NEU3: variants seen among roughly 807,000 people sequenced by gnomAD.
NEU3 encodes neuraminidase 3, also known as sialidase-3.
In NEU3, 10 loss-of-function variants were observed where a neutral mutation model predicts 11.4. The observed-to-expected ratio is 0.88, with a 90% CI of 0.54 to 1.49. NEU3 has a LOEUF of 1.49. Ranked by LOEUF, NEU3 falls within the 40% of genes most tolerant of loss-of-function variation. NEU3 has a pLI of 0.00. For missense variants in NEU3, 529 were observed against 581.8 expected, an observed-to-expected ratio of 0.91 and a Z score of 0.93; for synonymous variants, 212 against 228.2, an observed-to-expected ratio of 0.93 and a Z score of 0.64.
At chr11:75,016,152 G>A (rs925264085) in intron 3 of NEU3, among the ~76,000 whole-genome samples, 12 of 152,314 alleles carry the variant, frequency 7.9e-5, no homozygotes, top group Non-Finnish European at 1.8e-4. Context: ...AACTCCATGG[G>A]TTTATGGGTC....
At chr11:74,982,778 CT>C in the NEU3 span, among the ~76,000 whole-genome samples, 1 of 152,124 alleles carries the variant, frequency 6.6e-6, no homozygotes, top group South Asian at 2.1e-4. Context: ...CCTGGGGGTG[CT>C]TGTCAGAGCC....
At chr11:74,992,210 C>T (rs1340695469) in intron 1 of NEU3, among the ~76,000 whole-genome samples, 1 of 152,216 alleles carries the variant, frequency 6.6e-6, no homozygotes, top group Non-Finnish European at 1.5e-5. Flanking sequence ...AAATCCTTCT[C>T]TGGTGCCTTG....
rs1399660639 is a variant in NEU3 at position 75,006,331 on chromosome 11, C to G, written c.1225C>G (p.Leu409Val). The G allele has an allele frequency of 6.2e-7, 1 of 1,613,968 alleles. No individual in the cohort carries two copies. Among genetic ancestry groups the G allele is most frequent in the Non-Finnish European group, 8.5e-7 (1 of 1,179,894 alleles). ...CTGTGGCTACTCTGATCTGGCTGCT[C>G]TGGAGGAGGAGGGCTTGTTTGGGTG... The part of the protein sequence containing the change: ...GPCGYSDLAA[L>V]EEEGLFGCLF... The change falls in exon 3 of 3, where the codon CTG becomes GTG. Residue 409 changes from leucine (L) to valine (V), a missense_variant. Transcript: ENST00000294064.
At chr11:75,017,847 A>G (rs1328625476) in intron 3 of NEU3, among the ~76,000 whole-genome samples, 1 of 152,186 alleles carries the variant, frequency 6.6e-6, no homozygotes, top group African/African-American at 2.4e-5. Flanking sequence ...GGTAGGAATT[A>G]GTAAAATCTA....
chr11:75,008,934 G>A lies in NEU3; in HGVS notation c.*2442G>A, dbSNP rs983226390. 3.3e-5 allele frequency: 5 copies of A among 152,084 alleles called. No individual in the cohort carries two copies. Among genetic ancestry groups the A allele is most frequent in the African/African-American group, 1.2e-4 (5 of 41,390 alleles). 9.4% of individuals were successfully genotyped at this position (152,084 alleles called of 1,614,324 possible). On this transcript the variant is annotated 3_prime_UTR_variant, in exon 3 of 3. Transcript: ENST00000294064. ...GTCTGTGCCACTGTGACGCAGAGAT[G>A]TATAATACCAGTACTCATAAGAGGT...
downstream of NEU3, among the ~76,000 whole-genome samples, chr11:75,020,029 G>A (rs1185498336): frequency 6.6e-6 from 1 of 152,202 alleles, no homozygotes; most frequent in African/African-American, 2.4e-5. Flanking sequence ...TCTTGCATCA[G>A]TATGACCTGG....
the NEU3 span, among the ~76,000 whole-genome samples, chr11:74,982,546 CCTCT>C: frequency 4.9e-3 from 746 of 152,146 alleles, 6 homozygotes; most frequent in African/African-American, 0.017. Flanking sequence ...ACTTCTGATC[CCTCT>C]CTCTCTACAG....
intron 2 of NEU3, among the ~76,000 whole-genome samples, chr11:74,997,580 T>C (rs755119554): frequency 1.3e-4 from 19 of 151,444 alleles, no homozygotes; most frequent in Non-Finnish European, 2.4e-4. Flanking sequence ...GTGTGGTGGC[T>C]CACGCCTGTA....
In NEU3 at chr11:75,006,546, C is replaced by A; in HGVS notation, c.*54C>A. On this transcript the variant is annotated 3_prime_UTR_variant, in exon 3 of 3. Transcript: ENST00000294064. ...CAAATGGCAGTTACAGACAGGTTAACAGAAGCTACTGAAGTCTACAGATAA... is the reference window on the plus strand; with the variant it reads ...CAAATGGCAGTTACAGACAGGTTAAAAGAAGCTACTGAAGTCTACAGATAA... 1.3e-6 allele frequency: 2 copies of A among 1,537,908 alleles called. No individual in the cohort carries two copies. The highest frequency in any genetic ancestry group is 1.7e-6 in the Non-Finnish European group (2 of 1,142,914).
intron 2 of NEU3, 195 bp downstream of exon 2, chr11:74,994,915 TTC>T: frequency 1.4e-6 from 1 of 698,398 alleles, no homozygotes; most frequent in South Asian, 1.5e-5. Flanking sequence ...CTCACAGCCA[TTC>T]TGTGTCGTAG....
rs185434675 is a variant in NEU3, at chr11:75,007,942, G to C, written c.*1450G>C. On this transcript the variant is annotated 3_prime_UTR_variant, in exon 3 of 3. Transcript: ENST00000294064. ...CATGAAATATAGCCTAGGAGACTAG[G>C]GGTTACAGTTGCACTAGTTGGGTAG... is the stretch of plus-strand genomic sequence containing the variant. The C allele has an allele frequency of 1.3e-5, 2 of 151,902 alleles. No individual in the cohort carries two copies. Among genetic ancestry groups the C allele is most frequent in the African/African-American group, 4.8e-5 (2 of 41,328 alleles). The allele number at this position is 151,902 out of a possible 1,614,324, so 9.4% of individuals were successfully genotyped here. A position where few individuals can be genotyped will look rare whatever the true frequency, so the allele number is the denominator to read the frequency against.
chr11:74,995,254 TCTA>T (rs1948778058), intron 2 of NEU3, among the ~76,000 whole-genome samples: 1 of 152,210 alleles, frequency 6.6e-6, no homozygotes, highest in African/African-American at 2.4e-5. Flanking sequence ...TAACCACGCT[TCTA>T]CTACTAAATG....
intron 1 of NEU3, among the ~76,000 whole-genome samples, chr11:74,993,873 CCCATTCAT>C (rs1047608682): frequency 5.9e-5 from 9 of 152,048 alleles, no homozygotes; most frequent in East Asian, 5.8e-4. Flanking sequence ...CCCATGATAA[CCCATTCAT>C]CCATTCATCC....
chr11:75,020,182 T>C (rs542326693), downstream of NEU3, among the ~76,000 whole-genome samples: 31 of 152,302 alleles, frequency 2.0e-4, no homozygotes, highest in African/African-American at 7.5e-4. Flanking sequence ...CCACTGTATC[T>C]AGGAAGTAAC....
chr11:74,988,283 C>G (rs1948690548), upstream of NEU3: 2 of 152,296 alleles, frequency 1.3e-5, no homozygotes, highest in Admixed American at 1.3e-4. Flanking sequence ...CATCCTCCCA[C>G]GTAGGCCTTC....
At chr11:74,984,530 A>G (rs1948655129), upstream of NEU3, among the ~76,000 whole-genome samples, 1 of 152,140 alleles carries the variant, frequency 6.6e-6, no homozygotes, top group Admixed American at 6.5e-5. Flanking sequence ...GGTAAGATAA[A>G]AATCTCAGAC....
At chr11:75,004,409 AGTTTC>A in intron 2 of NEU3, 1 of 486,294 alleles carries the variant, frequency 2.1e-6, no homozygotes. Flanking sequence ...GGCCATTGTC[AGTTTC>A]GTTTTAATTT....
the NEU3 span, among the ~76,000 whole-genome samples, chr11:74,981,461 G>A: frequency 1.3e-5 from 2 of 152,194 alleles, no homozygotes; most frequent in African/African-American, 4.8e-5. Flanking sequence ...TTTGCCTGTT[G>A]CTCACTGTAA....
At chr11:74,990,807 G>T (rs1948723698) in intron 1 of NEU3, among the ~76,000 whole-genome samples, 1 of 152,194 alleles carries the variant, frequency 6.6e-6, no homozygotes, top group Admixed American at 6.5e-5. Flanking sequence ...TAATTAAGGT[G>T]TTAAGAGTTT....
Sources: gnomAD v4.1 joint callset for allele counts (sites outside exome capture counted in the v4.1 genomes callset) on GRCh38, gnomAD v4.1.1 for gene constraint, MANE v1.5 for transcripts, NCBI Gene and HGNC (gene_info 2026-07-23, HGNC 2026-07-21) for gene names.